Variants in ZNF654 observed in about 807,000 individuals in gnomAD.
The protein encoded by ZNF654 is melanoma-associated antigen.
ZNF654 carries 19 observed loss-of-function variants against 95.3 expected under a neutral mutation model. That is an observed-to-expected ratio of 0.20 (90% CI 0.14 to 0.29). The LOEUF (loss-of-function observed/expected upper bound fraction) is 0.29. Among genes scored for constraint, ZNF654 ranks in the 10% least tolerant of loss-of-function variants. ZNF654 has a pLI of 1.00. For missense variants in ZNF654, 1,046 were observed against 1,341.0 expected (o/e 0.78, Z 3.44); for synonymous variants, 413 against 457.9 (o/e 0.90, Z 1.25).
At chr3:88,073,746 G>A (rs1387482152) in intron 1 of ZNF654, among the ~76,000 whole-genome samples, 1 of 152,062 alleles carries the variant, frequency 6.6e-6, no homozygotes, top group Non-Finnish European at 1.5e-5. Flanking sequence ...AAGAGTTAGT[G>A]CATTCTTCTT....
chr3:88,084,151 G>GCCT (rs1402707553), intron 1 of ZNF654, among the ~76,000 whole-genome samples: 1 of 152,130 alleles, frequency 6.6e-6, no homozygotes, highest in Non-Finnish European at 1.5e-5. Flanking sequence ...GTTAGGTTTG[G>GCCT]CCTCAGCTAG....
At chr3:88,098,490 C>G (rs577115917) in intron 2 of ZNF654, among the ~76,000 whole-genome samples, 1 of 152,280 alleles carries the variant, frequency 6.6e-6, no homozygotes, top group South Asian at 2.1e-4. Context: ...ATGAGGCCAG[C>G]ATCATCCTGA....
At chr3:88,073,050 T>G (rs1707605986) in intron 1 of ZNF654, among the ~76,000 whole-genome samples, 1 of 152,176 alleles carries the variant, frequency 6.6e-6, no homozygotes, top group Non-Finnish European at 1.5e-5. Context: ...AGATAACTTG[T>G]GAAAAGATGG....
At chr3:88,105,611 C>G (rs1454143340) in intron 2 of ZNF654, among the ~76,000 whole-genome samples, 14 of 152,108 alleles carry the variant, frequency 9.2e-5, no homozygotes, top group Admixed American at 7.9e-4. Context: ...TTCCATAGAG[C>G]TTGTACCATT....
chr3:88,108,522 A>G (rs1333156749), intron 2 of ZNF654, among the ~76,000 whole-genome samples: 1 of 152,180 alleles, frequency 6.6e-6, no homozygotes, highest in Non-Finnish European at 1.5e-5. Flanking sequence ...TATTCCAGAA[A>G]TAATACATTT....
At chr3:88,121,721 GTAT>G (rs1185945347) in intron 3 of ZNF654, among the ~76,000 whole-genome samples, 1 of 152,132 alleles carries the variant, frequency 6.6e-6, no homozygotes, top group Non-Finnish European at 1.5e-5. Context: ...TCATTTCAAA[GTAT>G]TATAAAGACT....
At chr3:88,090,732 C>T (rs1343579266) in intron 2 of ZNF654, among the ~76,000 whole-genome samples, 1 of 152,154 alleles carries the variant, frequency 6.6e-6, no homozygotes, top group Non-Finnish European at 1.5e-5. Flanking sequence ...GTGCCCTGTA[C>T]ACATAAACAG....
intron 1 of ZNF654, among the ~76,000 whole-genome samples, chr3:88,068,005 CT>C (rs1559687552): frequency 1.3e-5 from 2 of 151,820 alleles, no homozygotes; most frequent in Non-Finnish European, 2.9e-5. Context: ...TATAAGACCC[CT>C]GAAGGGGAGT....
intron 2 of ZNF654, among the ~76,000 whole-genome samples, chr3:88,088,615 A>ATG (rs1708460470): frequency 6.6e-6 from 1 of 152,190 alleles, no homozygotes; most frequent in South Asian, 2.1e-4. Context: ...AGAAATTTAA[A>ATG]TGTGTGTGTG....
chr3:88,117,840 T>C (rs551489024), intron 3 of ZNF654, among the ~76,000 whole-genome samples: 13 of 152,062 alleles, frequency 8.5e-5, no homozygotes, highest in Non-Finnish European at 1.8e-4. Flanking sequence ...GGAGCAGTGA[T>C]TATATAAGGG....
At chr3:88,136,247 A>T (rs1215384586) in intron 7 of ZNF654, among the ~76,000 whole-genome samples, 2 of 152,234 alleles carry the variant, frequency 1.3e-5, no homozygotes, top group African/African-American at 4.8e-5. Context: ...ATATATTATT[A>T]TAGAAAGTTT....
At chr3:88,107,085 ATT>A (rs1704788791) in intron 2 of ZNF654, among the ~76,000 whole-genome samples, 1 of 152,188 alleles carries the variant, frequency 6.6e-6, no homozygotes, top group South Asian at 2.1e-4. Flanking sequence ...TTGTAATGAA[ATT>A]GTCTACCCCC....
chr3:88,115,369 T>C (rs761820714), intron 3 of ZNF654, among the ~76,000 whole-genome samples: 82 of 152,342 alleles, frequency 5.4e-4, no homozygotes, highest in Non-Finnish European at 5.9e-4. Flanking sequence ...CTGTACCAGT[T>C]TCTTTATTTG....
At chr3:88,103,968 G>A (rs555826711) in intron 2 of ZNF654, among the ~76,000 whole-genome samples, 2 of 151,838 alleles carry the variant, frequency 1.3e-5, no homozygotes, top group South Asian at 4.2e-4. Context: ...TGTCATGTTG[G>A]CCCGGCTGGT....
At chr3:88,106,072 C>G (rs1316151880) in intron 2 of ZNF654, among the ~76,000 whole-genome samples, 2 of 152,178 alleles carry the variant, frequency 1.3e-5, no homozygotes, top group Non-Finnish European at 2.9e-5. Flanking sequence ...GACACCAAAC[C>G]TGTTGGCGCT....
chr3:88,091,584 G>T (rs1341610135), intron 2 of ZNF654, among the ~76,000 whole-genome samples: 6 of 152,130 alleles, frequency 3.9e-5, no homozygotes, highest in Admixed American at 3.9e-4. Context: ...CCTGCTAGCT[G>T]ATATGGTTTC....
At chr3:88,087,891 G>A (rs1708420794) in intron 2 of ZNF654, among the ~76,000 whole-genome samples, 1 of 152,172 alleles carries the variant, frequency 6.6e-6, no homozygotes, top group African/African-American at 2.4e-5. Context: ...TCTGACATCT[G>A]AAATGCTCCA....
chr3:88,062,978 A>C (rs1401103272), intron 1 of ZNF654, among the ~76,000 whole-genome samples: 1 of 152,234 alleles, frequency 6.6e-6, no homozygotes, highest in African/African-American at 2.4e-5. Flanking sequence ...TAGAAATGTT[A>C]CAATTCTTAA....
At chr3:88,126,023 A>G (rs1484767873) in intron 3 of ZNF654, 111 bp from the exon 4 acceptor site, 2 of 1,165,830 alleles carry the variant, frequency 1.7e-6, no homozygotes, top group Non-Finnish European at 2.3e-6. Flanking sequence ...TTTCTCTTTT[A>G]TAATTTAATA....
Sources: allele counts gnomAD v4.1 joint callset (sites outside exome capture counted in the v4.1 genomes callset), GRCh38; gene constraint gnomAD v4.1.1; transcripts MANE v1.5; gene names NCBI Gene and HGNC (gene_info 2026-07-23, HGNC 2026-07-21).